Variants in PI4KA observed in about 807,000 individuals in gnomAD.
PI4KA encodes phosphatidylinositol 4-kinase alpha, also known as PI4-kinase alpha.
Under a neutral mutation model 271.4 loss-of-function variants are expected in PI4KA, and 122 were observed. That is an observed-to-expected ratio of 0.45 (90% CI 0.39 to 0.52). PI4KA has a LOEUF of 0.52. Ranked by LOEUF, PI4KA falls within the 20% of genes least tolerant of loss-of-function variation. The probability of loss-of-function intolerance (pLI) is 0.00; values close to 1 mark genes in which losing one functional copy is unlikely to be tolerated. For missense variants in PI4KA, 1,969 were observed against 2,769.1 expected, an observed-to-expected ratio of 0.71 and a Z score of 6.48; for synonymous variants, 1,041 against 1,078.8, an observed-to-expected ratio of 0.96 and a Z score of 0.69.
In PI4KA at chr22:20,813,442, G is replaced by C; in HGVS notation, c.921C>G (p.Ser307Arg). The stretch of plus-strand genomic sequence containing the variant: ...CGTTGAAAAGGGGAGAGACTGAGAA[G>C]CTGGAGCTGATGGTTGAAAAGTAGT... Reference protein sequence around the residue: ...PEYYFSTISSSFSVSPLFNGV... With the variant: ...PEYYFSTISSRFSVSPLFNGV... Residue 307 changes from serine (S) to arginine (R), a missense_variant, in exon 8 of 55, where the codon AGC becomes AGG. Transcript: ENST00000255882. The C allele has an allele frequency of 1.2e-6, 2 of 1,613,558 alleles. No homozygotes were observed. The highest frequency in any genetic ancestry group is 1.7e-6 in the Non-Finnish European group (2 of 1,179,478).
chr22:20,771,306 C>T (rs1338131774), intron 19 of PI4KA, among the ~76,000 whole-genome samples: 6 of 151,872 alleles, frequency 4.0e-5, no homozygotes, highest in African/African-American at 1.5e-4. Context: ...ACCTGTAGTC[C>T]CAGCTACTAG....
intron 1 of PI4KA, among the ~76,000 whole-genome samples, chr22:20,857,392 G>GACC (rs1193003484): frequency 1.3e-5 from 2 of 152,114 alleles, no homozygotes; most frequent in Non-Finnish European, 2.9e-5. Context: ...CAAGGCCAAG[G>GACC]ACCAGGTCAC....
intron 3 of PI4KA, among the ~76,000 whole-genome samples, chr22:20,831,249 G>A (rs760325814): frequency 1.8e-4 from 28 of 151,958 alleles, no homozygotes; most frequent in Middle Eastern, 3.4e-3. Flanking sequence ...GAAATTCTTC[G>A]TTGCAAATTC....
chr22:20,765,327 T>C, intron 20 of PI4KA, 91 bp from the exon 21 acceptor site: 3 of 1,329,098 alleles, frequency 2.3e-6, no homozygotes, highest in African/African-American at 1.5e-5. Flanking sequence ...CATGGGTCCT[T>C]TGAGACAATT....
intron 19 of PI4KA, among the ~76,000 whole-genome samples, chr22:20,766,652 C>G (rs539080739): frequency 1.2e-4 from 19 of 152,090 alleles, no homozygotes; most frequent in African/African-American, 4.1e-4. Flanking sequence ...GCAACAAGGG[C>G]GAAACTCCAT....
Position 20,761,331 on chromosome 22 carries a change from C to G in PI4KA, c.2764G>C (p.Asp922His). 1 of 1,609,774 alleles carries G rather than the reference C, an allele frequency of 6.2e-7. No individual in the cohort carries two copies. The highest frequency in any genetic ancestry group is 8.5e-7 in the Non-Finnish European group (1 of 1,176,036). Residue 922 changes from aspartate (D) to histidine (H), a missense_variant, in exon 23 of 55, where the codon GAT becomes CAT. Around this residue, in one of 13 missense-constraint regions of PI4KA, gnomAD observed 368 missense variants for 544.3 expected, o/e 0.68. Transcript: ENST00000255882. The stretch of plus-strand genomic sequence containing the variant: ...GATTTGTCTTTCTGAATAGCTTTAT[C>G]CTCAAAGTAGCAGAACATTACCTGG... ...RFQVMFCYFEDKAIQKDKSGM... is the reference protein window; with the variant it reads ...RFQVMFCYFEHKAIQKDKSGM...
At chr22:20,854,652 GCC>G (rs1340210403) in intron 1 of PI4KA, among the ~76,000 whole-genome samples, 1 of 152,084 alleles carries the variant, frequency 6.6e-6, no homozygotes, top group Non-Finnish European at 1.5e-5. Flanking sequence ...TGCAAACTTA[GCC>G]TTCGCCAGGT....
chr22:20,749,950 C>T lies in PI4KA; in HGVS notation c.3198G>A (p.Gln1066=). ...DFAARCGMIL[Q]EAMKWAPTVT... is the part of the protein sequence containing the mutation. ...CGGTAGGTGCCCACTTCATGGCCTC[C>T]TGGAGGATCATCCCACAGCGTGCAG... is the stretch of plus-strand genomic sequence containing the variant. The change falls in exon 28 of 55, where the codon CAG becomes CAA. Residue 1066 remains glutamine, a synonymous_variant. Coordinates refer to ENST00000255882, the MANE Select transcript of PI4KA (RefSeq NM_058004.4). 1 of 1,613,860 alleles carries T rather than the reference C, an allele frequency of 6.2e-7. No homozygotes were observed. The highest frequency in any genetic ancestry group is 8.5e-7 in the Non-Finnish European group (1 of 1,179,724).
intron 19 of PI4KA, among the ~76,000 whole-genome samples, chr22:20,766,758 T>C (rs1460049105): frequency 6.6e-6 from 1 of 152,144 alleles, no homozygotes; most frequent in Non-Finnish European, 1.5e-5. Context: ...CCATCAGTGA[T>C]GTTGAGCCTG....
At chr22:20,720,293 C>T (rs781376396) in intron 43 of PI4KA, among the ~76,000 whole-genome samples, 48 of 151,864 alleles carry the variant, frequency 3.2e-4, no homozygotes, top group Non-Finnish European at 5.3e-4. Flanking sequence ...TTTTTTTTGG[C>T]GATCCTCCTG....
At position 20,857,644 on chromosome 22, in the gene PI4KA, C is replaced by T. The variant is rs150342030; in HGVS notation, c.156+926G>A. Among the ~76,000 whole-genome samples the T allele has an allele frequency of 2.2e-3, 331 of 152,328 alleles. 1 individual carries two copies. The highest frequency in any genetic ancestry group is 7.9e-3 in the African/African-American group (329 of 41,570). ...AAAGTTGACATTTACTGCTCACCCA[C>T]TCTGTGCCTTGACCTGTGCAAGATG... On this transcript the variant is annotated intron_variant, in intron 1 of 54. Transcript: ENST00000255882.
chr22:20,846,095 T>C (rs1926203513), intron 1 of PI4KA, among the ~76,000 whole-genome samples: 1 of 149,032 alleles, frequency 6.7e-6, no homozygotes, highest in African/African-American at 2.5e-5. Context: ...CTGCCTCTAC[T>C]AAAAAAAAAT....
intron 10 of PI4KA, among the ~76,000 whole-genome samples, chr22:20,806,100 C>A (rs1210999342): frequency 6.6e-6 from 1 of 152,054 alleles, no homozygotes; most frequent in Non-Finnish European, 1.5e-5. Flanking sequence ...GAGTTTCAAC[C>A]CTTGCCGTGG....
chr22:20,767,897 A>G (rs1291374451), intron 19 of PI4KA, among the ~76,000 whole-genome samples: 1 of 151,068 alleles, frequency 6.6e-6, no homozygotes, highest in Admixed American at 6.6e-5. Flanking sequence ...AGCCTCCTAA[A>G]GTCCTGGGAT....
chr22:20,767,304 C>T (rs1255846747), intron 19 of PI4KA, among the ~76,000 whole-genome samples: 11 of 151,918 alleles, frequency 7.2e-5, no homozygotes, highest in African/African-American at 2.2e-4. Flanking sequence ...ATTAGCCGGG[C>T]GTGGTGGCAG....
Position 20,721,463 on chromosome 22 carries a change from A to G in PI4KA, c.4996-45T>C, listed in dbSNP as rs778713098. On this transcript the variant is annotated intron_variant, in intron 42 of 54. Transcript: ENST00000255882. ...CTGTCAGCCAGGCTCGGCCCTCTCCATGAGGAGGGCCTTGTCAGCAGCTGC... is the reference window on the plus strand; with the variant it reads ...CTGTCAGCCAGGCTCGGCCCTCTCCGTGAGGAGGGCCTTGTCAGCAGCTGC... 13 of 1,606,926 alleles carry G rather than the reference A, an allele frequency of 8.1e-6. No individual in the cohort carries two copies. The Admixed American group carries it at 2.0e-4, about 25-fold the overall frequency.
chr22:20,778,485 C>CA (rs1398748599), intron 19 of PI4KA, among the ~76,000 whole-genome samples: 2 of 152,102 alleles, frequency 1.3e-5, no homozygotes, highest in African/African-American at 4.8e-5. Context: ...GCCTGGGTGA[C>CA]AGAGTGAGAC....
At chr22:20,822,962 G>A (rs1024392459) in intron 4 of PI4KA, among the ~76,000 whole-genome samples, 2 of 152,130 alleles carry the variant, frequency 1.3e-5, no homozygotes, top group African/African-American at 2.4e-5. Flanking sequence ...TATCCAGGCT[G>A]GAGTGCAATG....
rs558711498 is a variant in PI4KA at position 20,833,820 on chromosome 22, C to T, written c.367+742G>A. Among the ~76,000 whole-genome samples, 286 of 152,010 alleles carry T rather than the reference C, an allele frequency of 1.9e-3. 2 individuals carry two copies. Among genetic ancestry groups the T allele is most frequent in the African/African-American group, 6.6e-3 (274 of 41,454 alleles). On this transcript the variant is annotated intron_variant, in intron 3 of 54. Transcript: ENST00000255882. ...GACTACAGGCACACACCACCATGCC[C>T]GGCTAATTTTTGTACTTTTAGTAGA...
Sources: allele counts gnomAD v4.1 joint callset (sites outside exome capture counted in the v4.1 genomes callset), GRCh38; gene constraint gnomAD v4.1.1; regional missense constraint gnomAD v4.1.1; transcripts MANE v1.5; gene names NCBI Gene and HGNC (gene_info 2026-07-23, HGNC 2026-07-21).